Variants in IFT43 observed in about 807,000 individuals in gnomAD.
IFT43 encodes intraflagellar transport protein 43 homolog.
A neutral mutation model predicts 32.3 loss-of-function variants in IFT43; 33 were observed. The observed-to-expected ratio is 1.02, with a 90% confidence interval of 0.77 to 1.37. The LOEUF (loss-of-function observed/expected upper bound fraction) is 1.37, where lower values mean the gene tolerates loss of function less well. IFT43 is among the 40% of genes most tolerant of loss of function. The probability of loss-of-function intolerance (pLI) is 0.00; values close to 1 mark genes in which losing one functional copy is unlikely to be tolerated. For synonymous variants in IFT43, 93 were observed against 98.2 expected, an observed-to-expected ratio of 0.95 and a Z score of 0.31; for missense variants, 274 against 265.9, an observed-to-expected ratio of 1.03 and a Z score of -0.21.
intron 2 of IFT43, among the ~76,000 whole-genome samples, chr14:76,019,547 G>A (rs1023309979): frequency 1.3e-5 from 2 of 152,048 alleles, no homozygotes; most frequent in Non-Finnish European, 1.5e-5. Context: ...GTGCCTTGGA[G>A]AAGATCTTTT....
chr14:76,016,519 A>G (rs116555342), intron 2 of IFT43, among the ~76,000 whole-genome samples: 2,230 of 152,144 alleles, frequency 0.015, 57 homozygotes, highest in African/African-American at 0.051. Context: ...TTTTTGCCCA[A>G]TGTTGCATTG....
chr14:76,059,215 T>A, intron 4 of IFT43, 112 bp from the exon 5 acceptor site: 7 of 1,605,800 alleles, frequency 4.4e-6, no homozygotes, highest in Non-Finnish European at 6.0e-6. Context: ...GAAAAACAGG[T>A]TCAGGGACAT....
At chr14:76,014,802 A>G (rs2036151988) in intron 2 of IFT43, among the ~76,000 whole-genome samples, 1 of 152,124 alleles carries the variant, frequency 6.6e-6, no homozygotes, top group Non-Finnish European at 1.5e-5. Flanking sequence ...AAAACTGCAA[A>G]TTTTGGTGGA....
chr14:76,063,094 G>A (rs1199592573), intron 5 of IFT43, among the ~76,000 whole-genome samples: 3 of 152,126 alleles, frequency 2.0e-5, no homozygotes, highest in African/African-American at 7.2e-5. Context: ...AAACACTAAT[G>A]CCTGGTTGTT....
At chr14:75,991,423 G>GTGTGTGTGTGTGTATGTA (rs1248984461) in intron 2 of IFT43, among the ~76,000 whole-genome samples, 1 of 139,886 alleles carries the variant, frequency 7.1e-6, no homozygotes, top group African/African-American at 2.6e-5. Context: ...GTGTGTGTGT[G>GTGTGTGTGTGTGTATGTA]TGTATGTATG....
Position 76,055,216 on chromosome 14 carries a change from C to T in IFT43, c.216-3426C>T, listed in dbSNP as rs146672444. On this transcript the variant is annotated intron_variant, in intron 3 of 8. Coordinates refer to ENST00000314067, the MANE Select transcript of IFT43 (RefSeq NM_001102564.3). ...AAAAAATTAGCCAGGCACGGTGGCACGCACTTGTAGTCCCAGCTACTCAGG... is the reference window on the plus strand; with the variant it reads ...AAAAAATTAGCCAGGCACGGTGGCATGCACTTGTAGTCCCAGCTACTCAGG... Among the ~76,000 whole-genome samples, 91 of 151,870 alleles carry T rather than the reference C, an allele frequency of 6.0e-4. 1 individual carries two copies. Among genetic ancestry groups the T allele is most frequent in the African/African-American group, 2.1e-3 (88 of 41,390 alleles).
chr14:75,999,800 C>T lies in IFT43; in HGVS notation c.147+10823C>T, dbSNP rs575588596. On this transcript the variant is annotated intron_variant, in intron 2 of 8. Transcript: ENST00000314067. Reference sequence around the variant, plus strand: ...ACAGGGGCTGGGGGTTTTTAGGGCACGGTAAAACCATTTAATGTATTGGGA... The same window carrying T: ...ACAGGGGCTGGGGGTTTTTAGGGCATGGTAAAACCATTTAATGTATTGGGA... Among the ~76,000 whole-genome samples, 170 of 152,298 alleles carry T rather than the reference C, an allele frequency of 1.1e-3. 1 individual carries two copies. The Middle Eastern group carries it at 0.014, about 12-fold the overall frequency.
chr14:76,040,772 C>T (rs1433680018), intron 3 of IFT43, among the ~76,000 whole-genome samples: 3 of 152,210 alleles, frequency 2.0e-5, no homozygotes, highest in South Asian at 2.1e-4. Flanking sequence ...CTCTGAAAAG[C>T]GGAGCAGTCC....
chr14:76,063,657 A>G (rs1390473309), intron 5 of IFT43, among the ~76,000 whole-genome samples: 1 of 152,218 alleles, frequency 6.6e-6, no homozygotes, highest in Non-Finnish European at 1.5e-5. Flanking sequence ...CTAGTTGTTT[A>G]TGGCAAAAGG....
At chr14:76,067,754 C>T (rs138172375) in intron 5 of IFT43, among the ~76,000 whole-genome samples, 2 of 152,216 alleles carry the variant, frequency 1.3e-5, no homozygotes, top group African/African-American at 4.8e-5. Context: ...TGCTAGAAGC[C>T]AGGCAGATGA....
At chr14:76,059,644 C>A in intron 5 of IFT43, 1 of 475,876 alleles carries the variant, frequency 2.1e-6, no homozygotes, top group Non-Finnish European at 3.9e-6. Context: ...CCATCCCACT[C>A]CCTCTCTCAC....
intron 2 of IFT43, among the ~76,000 whole-genome samples, chr14:75,991,958 G>A (rs2035652480): frequency 1.3e-5 from 2 of 152,154 alleles, no homozygotes; most frequent in African/African-American, 2.4e-5. Flanking sequence ...AGACTTGTGT[G>A]TGTGCCCATT....
Position 76,022,332 on chromosome 14 carries a change from C to G in IFT43, c.153C>G (p.Ser51=). The change falls in exon 3 of 9, where the codon TCC becomes TCG. Residue 51 remains serine (S), a synonymous_variant. Transcript: ENST00000314067. The part of the protein sequence containing the change: ...NSSLTLTGET[S]SAKLPRCRQG... Reference sequence around the variant, plus strand: ...TGACTTCTCTTTCCTTGTAGACTTCCTCTGCTAAATTACCTCGCTGCCGAC... The same window carrying G: ...TGACTTCTCTTTCCTTGTAGACTTCGTCTGCTAAATTACCTCGCTGCCGAC... 1 of 1,613,218 alleles carries G rather than the reference C, an allele frequency of 6.2e-7. No individual in the cohort carries two copies. Among genetic ancestry groups the G allele is most frequent in the Admixed American group, 1.7e-5 (1 of 60,008 alleles).
intron 5 of IFT43, among the ~76,000 whole-genome samples, chr14:76,067,236 A>G (rs1003408897): frequency 6.6e-6 from 1 of 152,142 alleles, no homozygotes; most frequent in African/African-American, 2.4e-5. Flanking sequence ...TTCTCCATCC[A>G]TTGATGCTTC....
intron 3 of IFT43, among the ~76,000 whole-genome samples, chr14:76,055,309 G>A (rs2036990877): frequency 6.6e-6 from 1 of 150,406 alleles, no homozygotes; most frequent in Admixed American, 6.6e-5. Context: ...TCTCAACACT[G>A]CACTCCACTC....
chr14:76,080,261 T>C (rs934120005), intron 5 of IFT43, among the ~76,000 whole-genome samples: 3 of 152,176 alleles, frequency 2.0e-5, no homozygotes, highest in Admixed American at 6.5e-5. Context: ...GAAATCCCAC[T>C]GTGTGGCCAG....
chr14:76,005,087 A>G (rs2035956939), intron 2 of IFT43, among the ~76,000 whole-genome samples: 1 of 151,632 alleles, frequency 6.6e-6, no homozygotes, highest in African/African-American at 2.4e-5. Flanking sequence ...TTTATTGTCT[A>G]TTTTTTCTTC....
intron 3 of IFT43, among the ~76,000 whole-genome samples, chr14:76,026,007 C>A (rs1172925991): frequency 2.0e-5 from 3 of 152,066 alleles, no homozygotes; most frequent in African/African-American, 4.8e-5. Context: ...ACAGAGTGAG[C>A]AGACAACCTA....
At chr14:76,033,867 G>A (rs1025085286) in intron 3 of IFT43, among the ~76,000 whole-genome samples, 7 of 152,194 alleles carry the variant, frequency 4.6e-5, no homozygotes, top group Non-Finnish European at 8.8e-5. Flanking sequence ...ACAAATGAAT[G>A]AGTAACACTG....
Sources: gnomAD v4.1 joint callset for allele counts (sites outside exome capture counted in the v4.1 genomes callset) on GRCh38, gnomAD v4.1.1 for gene constraint, MANE v1.5 for transcripts, NCBI Gene and HGNC (gene_info 2026-07-23, HGNC 2026-07-21) for gene names.